Variants in CARMIL1 observed in about 807,000 individuals in gnomAD.
CARMIL1 encodes the protein capping protein regulator and myosin 1 linker 1, also known as F-actin-uncapping protein LRRC16A.
A neutral mutation model predicts 177.1 loss-of-function variants in CARMIL1; 90 were observed. The observed-to-expected ratio is 0.51, with a 90% CI of 0.43 to 0.61. The LOEUF (loss-of-function observed/expected upper bound fraction) is 0.61. Among genes scored for constraint, CARMIL1 ranks in the 20% least tolerant of loss-of-function variants. The probability of loss-of-function intolerance (pLI) is 0.00; values close to 1 mark genes in which losing one functional copy is unlikely to be tolerated. For synonymous variants in CARMIL1, 577 were observed against 606.2 expected (o/e 0.95, Z 0.71); for missense variants, 1,380 against 1,667.0 (o/e 0.83, Z 3.00).
At chr6:25,350,437 C>T (rs752476273) in intron 2 of CARMIL1, among the ~76,000 whole-genome samples, 6 of 152,218 alleles carry the variant, frequency 3.9e-5, no homozygotes, top group Non-Finnish European at 5.9e-5. Flanking sequence ...CTGGGGCCAC[C>T]GTCTCACCAG....
chr6:25,433,798 TTACA>T (rs1797007211), intron 4 of CARMIL1, among the ~76,000 whole-genome samples: 1 of 152,172 alleles, frequency 6.6e-6, no homozygotes, highest in South Asian at 2.1e-4. Flanking sequence ...TCTGAAACAC[TTACA>T]TTATTTATAT....
At chr6:25,473,324 C>G (rs1004260277) in intron 11 of CARMIL1, among the ~76,000 whole-genome samples, 1 of 152,096 alleles carries the variant, frequency 6.6e-6, no homozygotes, top group Non-Finnish European at 1.5e-5. Flanking sequence ...GGCACTGACC[C>G]CAAGCAACCA....
chr6:25,346,786 A>G (rs1391933339), intron 2 of CARMIL1, among the ~76,000 whole-genome samples: 1 of 152,198 alleles, frequency 6.6e-6, no homozygotes, highest in African/African-American at 2.4e-5. Context: ...GCCACAATGC[A>G]CTAATAAAGC....
chr6:25,563,253 C>T (rs1304813018), intron 29 of CARMIL1: 6 of 985,240 alleles, frequency 6.1e-6, no homozygotes, highest in Non-Finnish European at 4.8e-6. Flanking sequence ...AACGACGTTT[C>T]GTTTATGTCA....
chr6:25,386,276 G>A (rs1046813890), intron 2 of CARMIL1, among the ~76,000 whole-genome samples: 4 of 152,048 alleles, frequency 2.6e-5, no homozygotes, highest in Non-Finnish European at 2.9e-5. Flanking sequence ...TGGTGAGGAC[G>A]GAATCTTGCT....
At chr6:25,599,863 TCC>T (rs1193699651) in intron 32 of CARMIL1, among the ~76,000 whole-genome samples, 1 of 152,146 alleles carries the variant, frequency 6.6e-6, no homozygotes, top group Non-Finnish European at 1.5e-5. Context: ...CTGGTTGGTT[TCC>T]TCTTGGCAGG....
chr6:25,504,932 T>C (rs1582176580), intron 17 of CARMIL1, among the ~76,000 whole-genome samples: 1 of 152,154 alleles, frequency 6.6e-6, no homozygotes, highest in East Asian at 1.9e-4. Flanking sequence ...AGGGCCAGCG[T>C]CTGGTACAAC....
rs757032565 is a variant in CARMIL1 at position 25,554,126 on chromosome 6, C to T, written c.2592+30C>T. 2.7e-5 allele frequency: 40 copies of T among 1,487,582 alleles called. No individual in the cohort carries two copies. Among genetic ancestry groups the T allele is most frequent in the Admixed American group, 2.3e-4 (12 of 52,856 alleles). 92.1% of individuals were successfully genotyped at this position (1,487,582 alleles called of 1,614,324 possible). ...GTGCTGTGCACATCTTGAGCAGGACCTCCTGTTTCAGCTCTGCTGTGATGC... is the reference window on the plus strand; with the variant it reads ...GTGCTGTGCACATCTTGAGCAGGACTTCCTGTTTCAGCTCTGCTGTGATGC... On this transcript the variant is annotated intron_variant, in intron 28 of 36. Coordinates refer to ENST00000329474, the MANE Select transcript of CARMIL1 (RefSeq NM_017640.6). This position sits in a 1 kb window ranked among gnomAD's most constrained non-coding sequence, Gnocchi z 4.6.
rs3804131 is a variant in CARMIL1 at position 25,558,372 on chromosome 6, G to C, written c.2742+1522G>C. 1.3e-5 allele frequency among the ~76,000 whole-genome samples: 2 copies of C among 152,318 alleles called. No individual in the cohort carries two copies. The highest frequency in any genetic ancestry group is 3.9e-4 in the East Asian group (2 of 5,192). On this transcript the variant is annotated intron_variant, in intron 29 of 36. Transcript: ENST00000329474. The surrounding 1 kb of genome is among the most constrained non-coding windows in gnomAD (Gnocchi z 4.1). ...GAATGAGGAAAAGTTGGTTATGAAA[G>C]ACTGGCTCACCTACTGTAACGTTGG...
At chr6:25,318,395 C>T (rs942187298) in intron 2 of CARMIL1, among the ~76,000 whole-genome samples, 1 of 152,078 alleles carries the variant, frequency 6.6e-6, no homozygotes, top group African/African-American at 2.4e-5. Flanking sequence ...GGTTATCAGG[C>T]CTTGATGTTG....
chr6:25,515,580 A>G lies in CARMIL1; in HGVS notation c.1633-95A>G. 8.8e-7 allele frequency: 1 copy of G among 1,137,662 alleles called. No homozygotes were observed. Among genetic ancestry groups the G allele is most frequent in the South Asian group, 1.7e-5 (1 of 58,008 alleles). 70.5% of individuals were successfully genotyped at this position (1,137,662 alleles called of 1,614,324 possible). ...AGTTCTAAAATCAGACACGTGCAGT[A>G]GGTCCATCCCCTCTCATTCTCCACG... is the stretch of plus-strand genomic sequence containing the variant. On this transcript the variant is annotated intron_variant, in intron 20 of 36. Coordinates refer to ENST00000329474, the MANE Select transcript of CARMIL1 (RefSeq NM_017640.6). This position sits in a 1 kb window ranked among gnomAD's most constrained non-coding sequence, Gnocchi z 5.0.
intron 9 of CARMIL1, among the ~76,000 whole-genome samples, chr6:25,470,116 GAC>G (rs984710654): frequency 2.1e-4 from 32 of 152,046 alleles, no homozygotes; most frequent in African/African-American, 7.7e-4. Context: ...TATTACATGA[GAC>G]ATGTTTATTA....
chr6:25,542,497 T>A (rs1390530774), intron 26 of CARMIL1, among the ~76,000 whole-genome samples: 1 of 152,144 alleles, frequency 6.6e-6, no homozygotes, highest in Non-Finnish European at 1.5e-5. Flanking sequence ...TATCATAGCA[T>A]GCTTTTCTCT....
chr6:25,545,768 C>A (rs1809389588), intron 26 of CARMIL1, among the ~76,000 whole-genome samples: 1 of 151,984 alleles, frequency 6.6e-6, no homozygotes, highest in Admixed American at 6.5e-5. Context: ...TAAAAAAGAG[C>A]CCACATGTTT....
At chr6:25,485,136 A>T (rs563865199) in intron 12 of CARMIL1, among the ~76,000 whole-genome samples, 10 of 152,296 alleles carry the variant, frequency 6.6e-5, no homozygotes, top group African/African-American at 2.4e-4. Context: ...AAAAGGATGT[A>T]GTCATCATTT....
intron 2 of CARMIL1, among the ~76,000 whole-genome samples, chr6:25,348,815 C>G (rs147949258): frequency 9.0e-4 from 137 of 151,978 alleles, no homozygotes; most frequent in African/African-American, 3.1e-3. Flanking sequence ...AAAATGAAAA[C>G]AAGATAATTA....
chr6:25,556,976 A>T, intron 29 of CARMIL1, 126 bp downstream of exon 29: 1 of 1,000,218 alleles, frequency 1.0e-6, no homozygotes. Context: ...CCCTCAGACA[A>T]TTCTTTCAGA....
chr6:25,298,235 A>G (rs1317810297), intron 2 of CARMIL1, among the ~76,000 whole-genome samples: 1 of 152,216 alleles, frequency 6.6e-6, no homozygotes, highest in Non-Finnish European at 1.5e-5. Flanking sequence ...TGATTAAAAG[A>G]ATCTAATTGT....
intron 17 of CARMIL1, among the ~76,000 whole-genome samples, chr6:25,507,710 T>C (rs919898803): frequency 2.0e-5 from 3 of 152,210 alleles, no homozygotes; most frequent in African/African-American, 7.2e-5. Flanking sequence ...ACAGAAATTT[T>C]ATTTCTCAAC....
Sources: allele counts gnomAD v4.1 joint callset (sites outside exome capture counted in the v4.1 genomes callset), GRCh38; gene constraint gnomAD v4.1.1; non-coding constraint Gnocchi (gnomAD v3.1); transcripts MANE v1.5; gene names NCBI Gene and HGNC (gene_info 2026-07-23, HGNC 2026-07-21).